The following ZAN variants were observed in gnomAD, a reference collection of about 807,000 sequenced individuals.
ZAN encodes zonadhesin, also known as zonadhesin (gene/pseudogene).
ZAN carries 260 observed loss-of-function variants against 286.2 expected under a neutral mutation model. That is an observed-to-expected ratio of 0.91 (90% CI 0.82 to 1.01). The LOEUF is 1.01. Among genes scored for constraint, ZAN ranks in the 50% least tolerant of loss-of-function variants. ZAN has a pLI of 0.00. For missense variants in ZAN, 3,410 were observed against 3,639.2 expected, an observed-to-expected ratio of 0.94 and a Z score of 1.62; for synonymous variants, 1,368 against 1,417.5, an observed-to-expected ratio of 0.97 and a Z score of 0.79.
In ZAN at chr7:100,789,449, G is replaced by A. The variant is rs1057126274; in HGVS notation, c.7357+102G>A. 62 of 1,525,718 alleles carry A rather than the reference G, an allele frequency of 4.1e-5. No homozygotes were observed. The South Asian group carries it at 5.9e-4, about 15-fold the overall frequency. The allele number at this position is 1,525,718 out of a possible 1,614,324, so 94.5% of individuals were successfully genotyped here. A position where few individuals can be genotyped will look rare whatever the true frequency, so the allele number is the denominator to read the frequency against. ...AAATCCTGGTGAGCAGACTCGGCCC[G>A]GTAGTGGGGCACCCAGCTTCAGAGG... On this transcript the variant is annotated intron_variant, in intron 39 of 47. Coordinates refer to ENST00000613979, the MANE Select transcript of ZAN (RefSeq NM_003386.3).
Position 100,764,015 on chromosome 7 carries a change from C to A in ZAN, c.4098-12C>A. 6.2e-7 allele frequency: 1 copy of A among 1,613,806 alleles called. No homozygotes were observed. Among genetic ancestry groups the A allele is most frequent in the South Asian group, 1.1e-5 (1 of 91,060 alleles). ...TCCACTGCATTCCCCCTGACTTGGT[C>A]ACTCCCCTCAGGACATGCCTGCTGC... On this transcript the variant is annotated splice_polypyrimidine_tract_variant and intron_variant, in intron 21 of 47. Transcript: ENST00000613979.
chr7:100,790,870 A>G (rs1249528761), intron 39 of ZAN, 72 bp from the exon 40 acceptor site: 40 of 1,443,444 alleles, frequency 2.8e-5, no homozygotes, highest in Non-Finnish European at 2.8e-6. Flanking sequence ...GCAACAGAGC[A>G]AGACTGTCTA....
At chr7:100,760,748 T>C (rs1367719308) in intron 19 of ZAN, among the ~76,000 whole-genome samples, 6 of 152,094 alleles carry the variant, frequency 3.9e-5, no homozygotes, top group Non-Finnish European at 8.8e-5. Context: ...GGGCATGTGA[T>C]AGATAGCAGG....
chr7:100,765,368 C>T lies in ZAN; in HGVS notation c.4284C>T (p.Pro1428=). Residue 1428 remains proline (P), a synonymous_variant, in exon 23 of 48, where the codon CCC becomes CCT. Coordinates refer to ENST00000613979, the MANE Select transcript of ZAN (RefSeq NM_003386.3). The part of the protein sequence containing the change: ...EPHFCPMACP[P]NSKYSLCAKP... Reference sequence around the variant, plus strand: ...CTCCACCAGCAATGGCCTGCCCGCCCAACAGCAAGTACTCCCTGTGTGCGA... The same window carrying T: ...CTCCACCAGCAATGGCCTGCCCGCCTAACAGCAAGTACTCCCTGTGTGCGA... 6.2e-7 allele frequency: 1 copy of T among 1,613,938 alleles called. No homozygotes were observed. The highest frequency in any genetic ancestry group is 8.5e-7 in the Non-Finnish European group (1 of 1,179,878).
intron 28 of ZAN, among the ~76,000 whole-genome samples, 179 bp downstream of exon 28, chr7:100,770,153 G>T (rs1279366530): frequency 1.3e-5 from 2 of 151,760 alleles, no homozygotes; most frequent in Non-Finnish European, 2.9e-5. Context: ...TGATGGGTCT[G>T]TATTTGTGTC....
At position 100,737,432 on chromosome 7, in the gene ZAN, C is replaced by T. The variant is rs558446810; in HGVS notation, c.613+83C>T. ...CAACAAGAAGAGGATCCAGGGCGGG[C>T]GCGGTGGCTCATGCCTGTAATCCCA... On this transcript the variant is annotated intron_variant, in intron 6 of 47. Coordinates refer to ENST00000613979, the MANE Select transcript of ZAN (RefSeq NM_003386.3). The T allele has an allele frequency of 2.7e-5, 28 of 1,033,984 alleles. 6 individuals are homozygous for T. The highest frequency in any genetic ancestry group is 5.8e-5 in the Admixed American group (2 of 34,232). The allele number at this position is 1,033,984 out of a possible 1,614,324, so 64.1% of individuals were successfully genotyped here. A position where few individuals can be genotyped will look rare whatever the true frequency, so the allele number is the denominator to read the frequency against.
intron 35 of ZAN, among the ~76,000 whole-genome samples, chr7:100,781,749 TCCTGCCTCAGCCTCCGAGTAGCTG>T (rs1350526240): frequency 4.2e-4 from 63 of 151,166 alleles, no homozygotes; most frequent in African/African-American, 1.5e-3. Context: ...CCAGTGAATC[TCCTGCCTCAGCCTCCGAGTAGCTG>T]GGATTACTGG....
At chr7:100,753,744 G>C (rs1329554510) in intron 14 of ZAN, among the ~76,000 whole-genome samples, 1 of 149,494 alleles carries the variant, frequency 6.7e-6, no homozygotes, top group East Asian at 2.0e-4. Flanking sequence ...GAGGTGGGAG[G>C]ATCACTTGAG....
chr7:100,760,797 C>T (rs1218180675), intron 19 of ZAN, among the ~76,000 whole-genome samples: 2 of 152,198 alleles, frequency 1.3e-5, no homozygotes, highest in Non-Finnish European at 2.9e-5. Context: ...AGAAGGAGCA[C>T]TAGTGAGTTC....
At chr7:100,780,148 G>A (rs937150510) in intron 35 of ZAN, among the ~76,000 whole-genome samples, 7 of 151,308 alleles carry the variant, frequency 4.6e-5, no homozygotes, top group East Asian at 2.0e-4. Context: ...AGCCGAGATC[G>A]CGCCGTTGCA....
chr7:100,752,354 A>G lies in ZAN; in HGVS notation c.2249A>G (p.Glu750Gly). 1 of 1,559,332 alleles carries G rather than the reference A, an allele frequency of 6.4e-7. No homozygotes were observed. The highest frequency in any genetic ancestry group is 8.7e-7 in the Non-Finnish European group (1 of 1,148,140). ...ACAGAAAAACCCACCATCCCCACAG[A>G]AAAACCCACCATCTCCCCAGAAAAA... is the stretch of plus-strand genomic sequence containing the variant. The part of the protein sequence containing the change: ...TPTEKPTIPT[E>G]KPTISPEKPT... Residue 750 changes from glutamate to glycine, a missense_variant, in exon 14 of 48, where the codon GAA becomes GGA. Physicochemically the swap from Glu to Gly is moderately conservative, Grantham distance 98. This residue lies in a region of ZAN where 39 missense variants were observed against 76.9 expected (regional missense o/e 0.51). Coordinates refer to ENST00000613979, the MANE Select transcript of ZAN (RefSeq NM_003386.3).
At chr7:100,742,593 A>G (rs1807872410) in intron 7 of ZAN, among the ~76,000 whole-genome samples, 2 of 62,652 alleles carry the variant, frequency 3.2e-5, no homozygotes, top group Non-Finnish European at 6.7e-5. Flanking sequence ...CACTGAGTGA[A>G]CGAGACTCCG....
chr7:100,762,380 C>G (rs370833982), intron 20 of ZAN, 22 bp downstream of exon 20: 2 of 1,583,516 alleles, frequency 1.3e-6, no homozygotes, highest in South Asian at 2.3e-5. Context: ...GCCCTCCCAC[C>G]GGGGCCCTGG....
At chr7:100,746,778 G>A in intron 8 of ZAN, 76 bp downstream of exon 8, 3 of 1,527,440 alleles carry the variant, frequency 2.0e-6, no homozygotes, top group Non-Finnish European at 1.8e-6. Context: ...GGAAACATGG[G>A]GCATCCCTCA....
chr7:100,779,955 G>A (rs770027017), intron 35 of ZAN, among the ~76,000 whole-genome samples: 10 of 152,098 alleles, frequency 6.6e-5, no homozygotes, highest in Non-Finnish European at 1.0e-4. Flanking sequence ...AGCACTTGGG[G>A]AGGCCAAGGT....
intron 22 of ZAN, 150 bp from the exon 23 acceptor site, chr7:100,765,202 C>T (rs1186903845): frequency 1.1e-6 from 1 of 911,076 alleles, no homozygotes; most frequent in Non-Finnish European, 1.6e-6. Flanking sequence ...GCCAGCCAGG[C>T]TCCTTGGGGA....
chr7:100,794,398 A>ACATCCTGAAATCAATGTGGAAGAGTCCTG, intron 44 of ZAN, 140 bp downstream of exon 44: 2 of 1,382,092 alleles, frequency 1.4e-6, no homozygotes. Context: ...GGGAGGGACA[A>ACATCCTGAAATCAATGTGGAAGAGTCCTG]AGGACAAAGA....
At chr7:100,784,409 T>C (rs1811424221) in intron 35 of ZAN, among the ~76,000 whole-genome samples, 1 of 152,120 alleles carries the variant, frequency 6.6e-6, no homozygotes, top group African/African-American at 2.4e-5. Flanking sequence ...ATTACAGGCG[T>C]GAGCCACCAT....
chr7:100,739,772 C>A (rs1420460654), intron 7 of ZAN, among the ~76,000 whole-genome samples: 1 of 140,116 alleles, frequency 7.1e-6, no homozygotes, highest in African/African-American at 2.6e-5. Context: ...ATTCTCCTAC[C>A]TCAGCCTCCT....
Sources: gnomAD v4.1 joint callset for allele counts (sites outside exome capture counted in the v4.1 genomes callset) on GRCh38, gnomAD v4.1.1 for gene constraint, gnomAD v4.1.1 regional missense constraint, MANE v1.5 for transcripts, NCBI Gene and HGNC (gene_info 2026-07-23, HGNC 2026-07-21) for gene names.